ADCK5: variants seen among roughly 807,000 people sequenced by gnomAD.
The protein encoded by ADCK5 is aarF domain containing kinase 5.
In ADCK5, 43 loss-of-function variants were observed where a neutral mutation model predicts 64.9. That is an observed-to-expected ratio of 0.66 (90% CI 0.52 to 0.85). ADCK5 has a LOEUF of 0.85. Ranked by LOEUF, ADCK5 falls within the 40% of genes least tolerant of loss-of-function variation. ADCK5 has a pLI of 0.00. For synonymous variants in ADCK5, 434 were observed against 342.8 expected (o/e 1.27, Z -2.94); for missense variants, 760 against 810.5 (o/e 0.94, Z 0.76).
In ADCK5 at chr8:144,393,193, G is replaced by T; in HGVS notation, c.*119G>T. The T allele has an allele frequency of 7.4e-7, 1 of 1,349,524 alleles. No homozygotes were observed. The highest frequency in any genetic ancestry group is 9.9e-7 in the Non-Finnish European group (1 of 1,008,684). The allele number at this position is 1,349,524 out of a possible 1,614,324, so 83.6% of individuals were successfully genotyped here. A position where few individuals can be genotyped will look rare whatever the true frequency, so the allele number is the denominator to read the frequency against. On this transcript the variant is annotated 3_prime_UTR_variant, in exon 15 of 15. Transcript: ENST00000308860. Reference sequence around the variant, plus strand: ...CTCGCACTGGGGGGCTGTGACAGCAGCTGGGCCAGGAGGCCGTGTAATGAC... The same window carrying T: ...CTCGCACTGGGGGGCTGTGACAGCATCTGGGCCAGGAGGCCGTGTAATGAC...
Position 144,379,455 on chromosome 8 carries a change from G to A in ADCK5, c.81G>A (p.Val27=). The change falls in exon 2 of 15, where the codon GTG becomes GTA. Residue 27 remains valine (V), a synonymous_variant. Coordinates refer to ENST00000308860, the MANE Select transcript of ADCK5 (RefSeq NM_174922.5). ...AGAAGCCCTGGCCGTCCCCTGCTGT[G>A]TTCTTCAGGAGAAACGTCAGGGGCC... ...SRQKPWPSPA[V]FFRRNVRGLP... The A allele has an allele frequency of 6.2e-7, 1 of 1,609,798 alleles. No individual in the cohort carries two copies. Among genetic ancestry groups the A allele is most frequent in the South Asian group, 1.1e-5 (1 of 90,502 alleles).
At position 144,391,935 on chromosome 8, in the gene ADCK5, C is replaced by A. The variant is rs782433607; in HGVS notation, c.1015-6C>A. Reference sequence around the variant, plus strand: ...GTGTCCACTGCAATGCCTCTCCTCTCCCCAGATAGCAGAAAAGCTCATCAA... The same window carrying A: ...GTGTCCACTGCAATGCCTCTCCTCTACCCAGATAGCAGAAAAGCTCATCAA... On this transcript the variant is annotated splice_polypyrimidine_tract_variant and splice_region_variant and intron_variant, in intron 9 of 14. Coordinates refer to ENST00000308860, the MANE Select transcript of ADCK5 (RefSeq NM_174922.5). 17 of 1,612,480 alleles carry A rather than the reference C, an allele frequency of 1.1e-5. No individual in the cohort carries two copies. The highest frequency in any genetic ancestry group is 1.4e-5 in the Non-Finnish European group (17 of 1,179,988).
upstream of ADCK5, chr8:144,373,371 G>T (rs1554856429): frequency 6.6e-6 from 1 of 152,590 alleles, no homozygotes; most frequent in African/African-American, 2.4e-5. Flanking sequence ...CTTGCTGGCT[G>T]CATGGCATGC....
chr8:144,386,839 T>A (rs1819946951), intron 3 of ADCK5, among the ~76,000 whole-genome samples: 1 of 152,216 alleles, frequency 6.6e-6, no homozygotes, highest in African/African-American at 2.4e-5. Context: ...AGGGCCACCA[T>A]GGAAAACAGA....
At chr8:144,380,319 C>A (rs550126937) in intron 2 of ADCK5, among the ~76,000 whole-genome samples, 2 of 150,542 alleles carry the variant, frequency 1.3e-5, no homozygotes, top group East Asian at 3.9e-4. Context: ...TGCTCAGGCA[C>A]CTCCCGCAGT....
Position 144,391,819 on chromosome 8 carries a change from G to A in ADCK5, c.967G>A (p.Val323Ile). 6.6e-7 allele frequency: 1 copy of A among 1,504,220 alleles called. No individual in the cohort carries two copies. 93.2% of individuals were successfully genotyped at this position (1,504,220 alleles called of 1,614,324 possible). A position where few individuals can be genotyped will look rare whatever the true frequency, so the allele number is the denominator to read the frequency against. The change falls in exon 9 of 15, where the codon GTC (valine) becomes ATC (isoleucine). Residue 323 changes from valine to isoleucine, a missense_variant. By Grantham distance (29) the Val-to-Ile change is conservative. Around this residue, in one of 2 missense-constraint regions of ADCK5, gnomAD observed 427 missense variants for 518.4 expected, o/e 0.82. Transcript: ENST00000308860. ...TGCCGACTTCTGCGCCGGCTGCAAG[G>A]TCAACGATGTGGAGGCCATCAGGAG... is the stretch of plus-strand genomic sequence containing the variant. The part of the protein sequence containing the change: ...LTADFCAGCK[V>I]NDVEAIRSQG...
At position 144,379,358 on chromosome 8, in the gene ADCK5, C is replaced by T. The variant is rs782362808; in HGVS notation, c.13-29C>T. ...GGCAGGGGCGTGTCCTGGCCTCGTT[C>T]GACCCCACACAATTTCCTCTCTTTG... On this transcript the variant is annotated intron_variant, in intron 1 of 14. Transcript: ENST00000308860. 9.6e-6 allele frequency: 15 copies of T among 1,555,180 alleles called. 1 individual carries two copies. The highest frequency in any genetic ancestry group is 1.7e-4 in the Middle Eastern group (1 of 5,956).
At position 144,392,190 on chromosome 8, in the gene ADCK5, C is replaced by A. The variant is rs782259124; in HGVS notation, c.1175+20C>A. 9.0e-6 allele frequency: 3 copies of A among 332,474 alleles called. No individual in the cohort carries two copies. The highest frequency in any genetic ancestry group is 3.9e-5 in the Admixed American group (1 of 25,868). 20.6% of individuals were successfully genotyped at this position (332,474 alleles called of 1,614,324 possible). ...GGAGAAGTGAGCGCGGGTGGGTGGG[C>A]GTGGGGCAGGGCAAGCCTCTCCTGC... On this transcript the variant is annotated intron_variant, in intron 11 of 14. Coordinates refer to ENST00000308860, the MANE Select transcript of ADCK5 (RefSeq NM_174922.5).
In ADCK5 at chr8:144,392,186, T is replaced by TG; in HGVS notation, c.1175+19dup. On this transcript the variant is annotated intron_variant, in intron 11 of 14. Transcript: ENST00000308860. ...TGGAGGAGAAGTGAGCGCGGGTGGG[T>TG]GGGCGTGGGGCAGGGCAAGCCTCTC... is the stretch of plus-strand genomic sequence containing the variant. The TG allele has an allele frequency of 8.4e-6, 2 of 236,982 alleles. No individual in the cohort carries two copies. The highest frequency in any genetic ancestry group is 1.2e-4 in the Admixed American group (2 of 17,374). The allele number at this position is 236,982 out of a possible 1,614,324, so 14.7% of individuals were successfully genotyped here. A position where few individuals can be genotyped will look rare whatever the true frequency, so the allele number is the denominator to read the frequency against.
chr8:144,374,400 T>C (rs1191989937), intron 1 of ADCK5, among the ~76,000 whole-genome samples: 2 of 152,088 alleles, frequency 1.3e-5, no homozygotes, highest in African/African-American at 2.4e-5. Flanking sequence ...TCTCGCCGTG[T>C]TGCTCAGGCT....
intron 13 of ADCK5, 27 bp downstream of exon 13, chr8:144,392,724 C>A: frequency 6.3e-7 from 1 of 1,588,870 alleles, no homozygotes; most frequent in Middle Eastern, 1.7e-4. Context: ...GGCGCCCGGG[C>A]CGTGGTGGGG....
Position 144,383,300 on chromosome 8 carries a change from G to A in ADCK5, c.266+70G>A. On this transcript the variant is annotated intron_variant, in intron 3 of 14. Transcript: ENST00000308860. Reference sequence around the variant, plus strand: ...GGGTGTGTGCGGTGCAGGATTGCCTGCTCCAGATGCCTTCACAGACGAGGG... The same window carrying A: ...GGGTGTGTGCGGTGCAGGATTGCCTACTCCAGATGCCTTCACAGACGAGGG... 8 of 1,458,200 alleles carry A rather than the reference G, an allele frequency of 5.5e-6. No homozygotes were observed. The South Asian group carries it at 1.1e-4, about 21-fold the overall frequency. The allele number at this position is 1,458,200 out of a possible 1,614,324, so 90.3% of individuals were successfully genotyped here.
At chr8:144,374,896 G>C (rs919075506) in intron 1 of ADCK5, among the ~76,000 whole-genome samples, 1 of 152,242 alleles carries the variant, frequency 6.6e-6, no homozygotes, top group African/African-American at 2.4e-5. Flanking sequence ...ACTGCGGGGG[G>C]GCGGGGCAGA....
In ADCK5 at chr8:144,383,141, C is replaced by T; in HGVS notation, c.177C>T (p.Pro59=). The part of the protein sequence containing the change: ...KVLSTAVVGA[P]LLLGARYVMA... ...TCTCCACCGCGGTAGTGGGGGCGCC[C>T]CTGCTCCTCGGAGCCCGCTATGTCA... Residue 59 remains proline (P), a synonymous_variant, in exon 3 of 15, where the codon CCC becomes CCT. Coordinates refer to ENST00000308860, the MANE Select transcript of ADCK5 (RefSeq NM_174922.5). 1.9e-6 allele frequency: 3 copies of T among 1,590,278 alleles called. No individual in the cohort carries two copies. Among genetic ancestry groups the T allele is most frequent in the Non-Finnish European group, 2.6e-6 (3 of 1,168,742 alleles).
chr8:144,385,789 C>T (rs1195883695), intron 3 of ADCK5, among the ~76,000 whole-genome samples: 2 of 151,336 alleles, frequency 1.3e-5, no homozygotes, highest in African/African-American at 4.8e-5. Context: ...TGGTGAAACC[C>T]CGTCTCTACT....
intron 3 of ADCK5, among the ~76,000 whole-genome samples, chr8:144,387,667 A>C (rs1554859503): frequency 6.7e-6 from 1 of 149,194 alleles, no homozygotes; most frequent in East Asian, 2.0e-4. Flanking sequence ...AGCCTCCCAA[A>C]GTGCTGGGAT....
chr8:144,388,576 AAC>A (rs1186948819), intron 3 of ADCK5, among the ~76,000 whole-genome samples: 5 of 151,944 alleles, frequency 3.3e-5, no homozygotes, highest in Admixed American at 6.6e-5. Context: ...CATCCTGGCC[AAC>A]ACGGTGAAAC....
intron 2 of ADCK5, 91 bp from the exon 3 acceptor site, chr8:144,382,986 GGAGT>G: frequency 6.7e-7 from 1 of 1,499,548 alleles, no homozygotes; most frequent in South Asian, 1.2e-5. Flanking sequence ...TGTGCACACA[GGAGT>G]GAGACGTGGT....
At chr8:144,378,756 G>C (rs1262705216) in intron 1 of ADCK5, among the ~76,000 whole-genome samples, 1 of 151,948 alleles carries the variant, frequency 6.6e-6, no homozygotes, top group Non-Finnish European at 1.5e-5. Context: ...GCGTATGCTT[G>C]TAGTCCCAGC....
Sources: allele counts gnomAD v4.1 joint callset (sites outside exome capture counted in the v4.1 genomes callset), GRCh38; gene constraint gnomAD v4.1.1; regional missense constraint gnomAD v4.1.1; transcripts MANE v1.5; gene names NCBI Gene and HGNC (gene_info 2026-07-23, HGNC 2026-07-21).